Variants in CPED1 observed in about 807,000 individuals in gnomAD.
CPED1 encodes the protein cadherin-like and PC-esterase domain-containing protein 1.
Under a neutral mutation model 128.2 loss-of-function variants are expected in CPED1, and 114 were observed. That is an observed-to-expected ratio of 0.89 (90% CI 0.76 to 1.04). CPED1 has a LOEUF of 1.04. Ranked by LOEUF, CPED1 falls within the 50% of genes least tolerant of loss-of-function variation. The pLI is 0.00. For synonymous variants in CPED1, 462 were observed against 426.7 expected, an observed-to-expected ratio of 1.08 and a Z score of -1.02; for missense variants, 1,211 against 1,207.1, an observed-to-expected ratio of 1.00 and a Z score of -0.05.
At chr7:121,291,593 ACT>A (rs755439024) in intron 22 of CPED1, among the ~76,000 whole-genome samples, 3 of 151,588 alleles carry the variant, frequency 2.0e-5, no homozygotes, top group Non-Finnish European at 4.4e-5. Flanking sequence ...ATGATTTAGC[ACT>A]CTGTTTGTCT....
intron 22 of CPED1, among the ~76,000 whole-genome samples, chr7:121,287,274 CACAG>C (rs1321195355): frequency 6.6e-6 from 1 of 151,674 alleles, no homozygotes; most frequent in African/African-American, 2.4e-5. Flanking sequence ...CAGACACAGA[CACAG>C]ACACACACAC....
chr7:121,284,940 G>A (rs745707939), intron 22 of CPED1, among the ~76,000 whole-genome samples: 12 of 152,206 alleles, frequency 7.9e-5, no homozygotes, highest in Non-Finnish European at 1.5e-4. Flanking sequence ...GGGTCACTGT[G>A]TGGGGGCTCT....
intron 3 of CPED1, among the ~76,000 whole-genome samples, chr7:121,017,607 T>C (rs1159892408): frequency 6.6e-6 from 1 of 152,210 alleles, no homozygotes; most frequent in African/African-American, 2.4e-5. Context: ...AATTCCTATA[T>C]TTCCCTGCCT....
intron 16 of CPED1, among the ~76,000 whole-genome samples, chr7:121,171,627 G>A (rs10260002): frequency 0.1 from 15,864 of 152,128 alleles, 1,393 homozygotes; most frequent in African/African-American, 0.24. Context: ...TTATAGCCTA[G>A]TTGAATCATC....
intron 21 of CPED1, among the ~76,000 whole-genome samples, chr7:121,269,401 A>T (rs540808514): frequency 3.9e-5 from 6 of 152,122 alleles, no homozygotes; most frequent in African/African-American, 1.4e-4. Context: ...TCCACTTTTG[A>T]TGAGTACCTA....
chr7:121,034,795 C>G (rs1480646016), intron 3 of CPED1, among the ~76,000 whole-genome samples: 1 of 152,138 alleles, frequency 6.6e-6, no homozygotes, highest in Admixed American at 6.5e-5. Context: ...AAATTTGCAT[C>G]TCCACCAAGC....
chr7:121,189,760 T>TTTTTTATATA (rs1472274298), intron 16 of CPED1, among the ~76,000 whole-genome samples: 1 of 47,468 alleles, frequency 2.1e-5, no homozygotes, highest in Non-Finnish European at 3.9e-5. Flanking sequence ...TTATGAGGTT[T>TTTTTTATATA]TATATATATA....
chr7:121,072,965 C>T (rs1418457218), intron 5 of CPED1, among the ~76,000 whole-genome samples: 1 of 152,054 alleles, frequency 6.6e-6, no homozygotes, highest in Non-Finnish European at 1.5e-5. Flanking sequence ...TGAAAAGCCT[C>T]CATTGTAGCA....
chr7:121,248,201 A>C (rs1798581525), intron 18 of CPED1, among the ~76,000 whole-genome samples: 1 of 144,166 alleles, frequency 6.9e-6, no homozygotes, highest in Admixed American at 6.9e-5. Flanking sequence ...TTCTCAGAGC[A>C]CTAAGAGGGA....
Position 120,995,230 on chromosome 7 carries a change from G to T in CPED1, c.249+5360G>T, listed in dbSNP as rs776982033. Among the ~76,000 whole-genome samples, 148 of 152,034 alleles carry T rather than the reference G, an allele frequency of 9.7e-4. 2 individuals are homozygous for T. Among genetic ancestry groups the T allele is most frequent in the Non-Finnish European group, 4.4e-4 (30 of 68,014 alleles). On this transcript the variant is annotated intron_variant, in intron 2 of 22. Transcript: ENST00000310396. ...TCCTTTGCATTTGGTCATTTCTATTGAAACCTCTCTTGGTGAACCCCTTAT... is the reference window on the plus strand; with the variant it reads ...TCCTTTGCATTTGGTCATTTCTATTTAAACCTCTCTTGGTGAACCCCTTAT...
chr7:121,244,435 C>G, intron 18 of CPED1, 97 bp downstream of exon 18: 19 of 1,279,708 alleles, frequency 1.5e-5, no homozygotes, highest in East Asian at 2.3e-5. Context: ...CCTGCTGTCT[C>G]ACAGCAGAGG....
At chr7:121,172,661 C>CATAGATAGATAGACAGATAG (rs1796676960) in intron 16 of CPED1, among the ~76,000 whole-genome samples, 1 of 145,202 alleles carries the variant, frequency 6.9e-6, no homozygotes, top group Non-Finnish European at 1.5e-5. Context: ...TGGATGGATA[C>CATAGATAGATAGACAGATAG]ATAGATAGAT....
intron 14 of CPED1, 115 bp from the exon 15 acceptor site, chr7:121,140,712 G>C (rs1795880964): frequency 1.4e-6 from 1 of 705,040 alleles, no homozygotes; most frequent in African/African-American, 1.8e-5. Context: ...AAAGTCAGCA[G>C]GGATCATTGA....
intron 3 of CPED1, among the ~76,000 whole-genome samples, chr7:121,022,481 T>C (rs1010535799): frequency 3.9e-5 from 6 of 151,978 alleles, no homozygotes; most frequent in African/African-American, 7.2e-5. Flanking sequence ...CCAGGTTACT[T>C]GACCTATTGA....
intron 16 of CPED1, among the ~76,000 whole-genome samples, chr7:121,167,310 G>A (rs560802514): frequency 3.3e-5 from 5 of 152,302 alleles, no homozygotes; most frequent in East Asian, 3.9e-4. Context: ...GATGGCAACA[G>A]AGCATAGGAA....
chr7:121,059,497 T>C (rs1176700440), intron 4 of CPED1, among the ~76,000 whole-genome samples: 2 of 152,302 alleles, frequency 1.3e-5, no homozygotes, highest in East Asian at 1.9e-4. Context: ...TTCTCTAAAA[T>C]GCAACATGAT....
chr7:121,048,117 T>G (rs1045672794), intron 4 of CPED1, among the ~76,000 whole-genome samples: 1 of 152,164 alleles, frequency 6.6e-6, no homozygotes, highest in African/African-American at 2.4e-5. Flanking sequence ...TGAATCCCTG[T>G]GTTCCCTAAC....
chr7:121,287,278 G>GAC (rs150391829), intron 22 of CPED1, among the ~76,000 whole-genome samples: 2,044 of 151,200 alleles, frequency 0.014, 27 homozygotes, highest in Non-Finnish European at 0.021. Flanking sequence ...CACAGACACA[G>GAC]ACACACACAC....
At chr7:121,127,667 C>T (rs1308141877) in intron 10 of CPED1, among the ~76,000 whole-genome samples, 2 of 151,572 alleles carry the variant, frequency 1.3e-5, no homozygotes, top group African/African-American at 4.8e-5. Context: ...TCCCAAGTAG[C>T]TGGGACTACA....
Sources: allele counts gnomAD v4.1 joint callset (sites outside exome capture counted in the v4.1 genomes callset), GRCh38; gene constraint gnomAD v4.1.1; transcripts MANE v1.5; gene names NCBI Gene and HGNC (gene_info 2026-07-23, HGNC 2026-07-21).